The following PCDH15 variants were observed in gnomAD, a reference collection of about 807,000 sequenced individuals.
PCDH15 encodes the protein protocadherin-15.
Under a neutral mutation model 178.5 loss-of-function variants are expected in PCDH15, and 129 were observed. The observed-to-expected ratio is 0.72, with a 90% CI of 0.63 to 0.84. The LOEUF (loss-of-function observed/expected upper bound fraction) is 0.84. Among genes scored for constraint, PCDH15 ranks in the 40% least tolerant of loss-of-function variants. The pLI is 0.00. For missense variants in PCDH15, 2,230 were observed against 2,099.9 expected, an observed-to-expected ratio of 1.06 and a Z score of -1.21; for synonymous variants, 800 against 732.0, an observed-to-expected ratio of 1.09 and a Z score of -1.50.
At chr10:53,824,064 G>C in intron 32 of PCDH15, among the ~76,000 whole-genome samples, 1 of 151,954 alleles carries the variant, frequency 6.6e-6, no homozygotes, top group East Asian at 1.9e-4. Context: ...GTACCAATCA[G>C]AAAAGATGTT....
intron 2 of PCDH15, among the ~76,000 whole-genome samples, chr10:55,395,169 G>C (rs1018935982): frequency 3.0e-5 from 2 of 66,978 alleles, no homozygotes; most frequent in Non-Finnish European, 5.9e-5. Context: ...ATTTAACTGC[G>C]TGTGTGTGTG....
intron 3 of PCDH15, among the ~76,000 whole-genome samples, chr10:54,414,087 A>G (rs904703753): frequency 1.3e-5 from 2 of 152,202 alleles, no homozygotes; most frequent in Non-Finnish European, 1.5e-5. Context: ...TTACACAAAT[A>G]AAACACTACA....
chr10:54,828,491 ATGT>A (rs1953167257), intron 3 of PCDH15, among the ~76,000 whole-genome samples: 1 of 151,768 alleles, frequency 6.6e-6, no homozygotes. Context: ...ATGTATGTGT[ATGT>A]GTATGTGTAT....
At chr10:54,064,598 C>T (rs1181195659) in intron 18 of PCDH15, among the ~76,000 whole-genome samples, 2 of 152,150 alleles carry the variant, frequency 1.3e-5, no homozygotes, top group African/African-American at 4.8e-5. Flanking sequence ...AGCCCTCTGT[C>T]CCCTCTTGGC....
chr10:54,202,123 TTAGA>T (rs1654207892), intron 10 of PCDH15, among the ~76,000 whole-genome samples: 1 of 152,222 alleles, frequency 6.6e-6, no homozygotes, highest in Admixed American at 6.5e-5. Context: ...AACACATGGC[TTAGA>T]TACATTTTAT....
At chr10:54,328,949 C>T (rs933365389) in intron 7 of PCDH15, among the ~76,000 whole-genome samples, 3 of 151,854 alleles carry the variant, frequency 2.0e-5, no homozygotes, top group African/African-American at 2.4e-5. Context: ...ATAAGCATGT[C>T]TATGTTATAT....
At chr10:55,056,659 G>T (rs1420100163) in intron 2 of PCDH15, among the ~76,000 whole-genome samples, 1 of 147,824 alleles carries the variant, frequency 6.8e-6, no homozygotes, top group Non-Finnish European at 1.5e-5. Context: ...TTGAGACGGA[G>T]TCTTGCTGTC....
At chr10:53,992,048 A>G (rs2091534892) in intron 21 of PCDH15, among the ~76,000 whole-genome samples, 2 of 151,866 alleles carry the variant, frequency 1.3e-5, no homozygotes, top group South Asian at 4.1e-4. Flanking sequence ...TACTGCCTTT[A>G]TGAGCTGTAA....
intron 2 of PCDH15, chr10:54,606,735 T>C (rs2134172319): frequency 6.6e-6 from 1 of 152,090 alleles, no homozygotes; most frequent in East Asian, 1.9e-4. Context: ...TCAGATATCA[T>C]AAAAGATAAG....
intron 2 of PCDH15, among the ~76,000 whole-genome samples, chr10:55,438,369 G>C (rs1003624417): frequency 2.8e-4 from 42 of 152,034 alleles, no homozygotes; most frequent in African/African-American, 8.7e-4. Flanking sequence ...AAATATGAAA[G>C]TTTCAATCAG....
At chr10:54,197,207 CATTAA>C in intron 10 of PCDH15, among the ~76,000 whole-genome samples, 1 of 138,408 alleles carries the variant, frequency 7.2e-6, no homozygotes, top group African/African-American at 3.2e-5. Flanking sequence ...TTTTTTCTCC[CATTAA>C]GTTTAAGAAG....
chr10:55,307,011 T>C (rs974017405), intron 1 of PCDH15, among the ~76,000 whole-genome samples: 4 of 151,920 alleles, frequency 2.6e-5, no homozygotes, highest in Non-Finnish European at 4.4e-5. Flanking sequence ...TATATGTATA[T>C]ATACATTAAG....
intron 2 of PCDH15, among the ~76,000 whole-genome samples, chr10:55,332,328 A>G (rs1469755226): frequency 3.3e-5 from 5 of 152,166 alleles, no homozygotes; most frequent in Admixed American, 3.3e-4. Context: ...GGTTTAAACC[A>G]AAAGCCAGAT....
intron 26 of PCDH15, among the ~76,000 whole-genome samples, chr10:53,900,865 C>A (rs1589325269): frequency 6.6e-6 from 1 of 152,112 alleles, no homozygotes; most frequent in Non-Finnish European, 1.5e-5. Context: ...TCATCACATG[C>A]CTTTTGAGTA....
At chr10:54,505,054 CTTTG>C (rs1048135905) in intron 3 of PCDH15, among the ~76,000 whole-genome samples, 12 of 151,962 alleles carry the variant, frequency 7.9e-5, no homozygotes, top group Admixed American at 7.2e-4. Flanking sequence ...AAAAGAATCA[CTTTG>C]TTTTTTTGTT....
At chr10:54,860,748 C>T (rs1478803058) in intron 3 of PCDH15, among the ~76,000 whole-genome samples, 1 of 152,092 alleles carries the variant, frequency 6.6e-6, no homozygotes, top group Non-Finnish European at 1.5e-5. Flanking sequence ...AATGGCTGAA[C>T]TAATTTTTAT....
At chr10:55,378,769 T>C (rs1033537224) in intron 2 of PCDH15, among the ~76,000 whole-genome samples, 1 of 151,984 alleles carries the variant, frequency 6.6e-6, no homozygotes, top group African/African-American at 2.4e-5. Context: ...CTAACTAGCA[T>C]TAGGGTTTTC....
At chr10:54,614,441 A>G (rs1473804734) in intron 2 of PCDH15, among the ~76,000 whole-genome samples, 1 of 152,090 alleles carries the variant, frequency 6.6e-6, no homozygotes, top group Non-Finnish European at 1.5e-5. Context: ...TGCTCATTAA[A>G]GGAATTTTAA....
intron 25 of PCDH15, among the ~76,000 whole-genome samples, chr10:53,909,070 T>TTTA (rs1197573795): frequency 6.6e-6 from 1 of 152,196 alleles, no homozygotes; most frequent in Non-Finnish European, 1.5e-5. Context: ...TGAACTATAA[T>TTTA]CCTCACGTAT....
Sources: allele counts gnomAD v4.1 joint callset (sites outside exome capture counted in the v4.1 genomes callset), GRCh38; gene constraint gnomAD v4.1.1; transcripts MANE v1.5; gene names NCBI Gene and HGNC (gene_info 2026-07-23, HGNC 2026-07-21).